Variants in CYP2J2 observed in about 807,000 individuals in gnomAD.
CYP2J2 encodes the protein cytochrome P450 family 2 subfamily J member 2.
CYP2J2 carries 41 observed loss-of-function variants against 48.8 expected under a neutral mutation model. The ratio of observed to expected loss-of-function variants is 0.84; its 90% confidence interval spans 0.66 to 1.09. The LOEUF is 1.09. CYP2J2 is among the 50% of genes least tolerant of loss of function. The pLI, the probability that CYP2J2 is intolerant of heterozygous loss-of-function variation, is 0.00. For missense variants in CYP2J2, 644 were observed against 617.3 expected, an observed-to-expected ratio of 1.04 and a Z score of -0.46; for synonymous variants, 221 against 227.1, an observed-to-expected ratio of 0.97 and a Z score of 0.24.
upstream of CYP2J2, among the ~76,000 whole-genome samples, chr1:59,930,291 G>A (rs1455867638): frequency 6.6e-6 from 1 of 152,008 alleles, no homozygotes; most frequent in Non-Finnish European, 1.5e-5. Context: ...TGGATCATAT[G>A]GTAGTTCTAT....
Position 59,904,992 on chromosome 1 carries a change from TC to T in CYP2J2, c.1069del (p.Glu357SerfsTer22). 1 of 1,613,990 alleles carries T rather than the reference TC, an allele frequency of 6.2e-7. No homozygotes were observed. The highest frequency in any genetic ancestry group is 2.2e-5 in the East Asian group (1 of 44,872). ...QGQQPSTAAR[E>X]SMPYTNAVIH... ...GACAGCATTGGTGTAGGGCATGGACTCCCGGGCGGCTGTGCTCGGCTGCTGC... is the reference window on the plus strand; with the variant it reads ...GACAGCATTGGTGTAGGGCATGGACTCCGGGCGGCTGTGCTCGGCTGCTGC... On this transcript the variant is annotated frameshift_variant, in exon 7 of 9. Transcript: ENST00000371204. LOFTEE classifies it high-confidence loss of function.
In CYP2J2 at chr1:59,910,067, T is replaced by C. The variant is rs1279809520; in HGVS notation, c.685-107A>G. On this transcript the variant is annotated intron_variant, in intron 4 of 8. Transcript: ENST00000371204. ...TTCCGTCTCTTTTATTTGCTCACAC[T>C]TAAACCTTGGTTATCCTTGACCCCT... is the stretch of plus-strand genomic sequence containing the variant. 5.7e-6 allele frequency: 5 copies of C among 870,534 alleles called. No homozygotes were observed. The East Asian group carries it at 1.4e-4, about 25-fold the overall frequency. The allele number at this position is 870,534 out of a possible 1,614,324, so 53.9% of individuals were successfully genotyped here. A position where few individuals can be genotyped will look rare whatever the true frequency, so the allele number is the denominator to read the frequency against.
rs1644245068 is a variant in CYP2J2 at position 59,893,769 on chromosome 1, G to T, written c.1391C>A (p.Ser464Tyr). 6.2e-7 allele frequency: 1 copy of T among 1,613,406 alleles called. No individual in the cohort carries two copies. Among genetic ancestry groups the T allele is most frequent in the Admixed American group, 1.7e-5 (1 of 59,914 alleles). Residue 464 changes from serine to tyrosine, a missense_variant, in exon 9 of 9, where the codon TCC (serine) becomes TAC (tyrosine). Physicochemically the swap from Ser to Tyr is moderately radical, Grantham distance 144. Transcript: ENST00000371204. ...ARTELFIFFT[S>Y]LMQKFTFRPP... is the part of the protein sequence containing the mutation. ...CCTGAAGGTAAATTTTTGCATAAGG[G>T]AAGTGAAGAAAATAAACAGCTCAGT...
At chr1:59,903,383 A>T (rs756177970) in intron 7 of CYP2J2, among the ~76,000 whole-genome samples, 57 of 152,338 alleles carry the variant, frequency 3.7e-4, no homozygotes, top group South Asian at 1.7e-3. Context: ...AGATCCTAAG[A>T]GTGGCGAATG....
At position 59,905,205 on chromosome 1, in the gene CYP2J2, C is replaced by T. The variant is rs1644355375; in HGVS notation, c.1004-147G>A. The T allele has an allele frequency of 1.7e-5, 13 of 786,344 alleles. No individual in the cohort carries two copies. In the South Asian group the frequency reaches 2.5e-4, roughly 15 times the overall value. 48.7% of individuals were successfully genotyped at this position (786,344 alleles called of 1,614,324 possible). ...AAATGGTTCTTAACCTTTTGAAAGG[C>T]TTATTCAGAAAACTACCACCTCTGT... On this transcript the variant is annotated intron_variant, in intron 6 of 8. Coordinates refer to ENST00000371204, the MANE Select transcript of CYP2J2 (RefSeq NM_000775.4).
chr1:59,952,671 T>C, the CYP2J2 span, among the ~76,000 whole-genome samples: 2 of 152,180 alleles, frequency 1.3e-5, no homozygotes, highest in Non-Finnish European at 2.9e-5. Context: ...GCTGGCACAG[T>C]ATATCAGAAA....
the CYP2J2 span, among the ~76,000 whole-genome samples, chr1:59,931,909 C>T: frequency 2.6e-5 from 4 of 152,152 alleles, no homozygotes; most frequent in South Asian, 6.2e-4. Context: ...TTAAAAATTT[C>T]TATTAGTGAT....
the CYP2J2 span, among the ~76,000 whole-genome samples, chr1:59,932,129 C>A: frequency 1.3e-5 from 2 of 151,954 alleles, no homozygotes; most frequent in Non-Finnish European, 2.9e-5. Context: ...TAACTGTAAG[C>A]AAATTTAACC....
At chr1:59,927,062 C>G (rs1232418804), upstream of CYP2J2, among the ~76,000 whole-genome samples, 1 of 152,240 alleles carries the variant, frequency 6.6e-6, no homozygotes, top group Admixed American at 6.5e-5. Context: ...GCGATAACAA[C>G]AGCAGTACCT....
intron 1 of CYP2J2, among the ~76,000 whole-genome samples, chr1:59,922,792 C>A (rs1644529524): frequency 6.6e-6 from 1 of 152,140 alleles, no homozygotes; most frequent in South Asian, 2.1e-4. Context: ...AAGGAAAACC[C>A]AACAGGACAG....
the CYP2J2 span, among the ~76,000 whole-genome samples, chr1:59,945,426 CTA>C: frequency 1.4e-4 from 22 of 151,850 alleles, no homozygotes; most frequent in South Asian, 4.0e-3. Flanking sequence ...ATCTATCTAT[CTA>C]TCTATCTATC....
chr1:59,944,088 C>G, the CYP2J2 span, among the ~76,000 whole-genome samples: 3 of 149,562 alleles, frequency 2.0e-5, no homozygotes, highest in Non-Finnish European at 3.0e-5. Context: ...AATAAAATAT[C>G]TTAGCCGTTT....
Position 59,915,980 on chromosome 1 carries a change from G to A in CYP2J2, c.331C>T (p.Arg111Cys), listed in dbSNP as rs545035265. The A allele has an allele frequency of 5.2e-5, 84 of 1,613,906 alleles. No homozygotes were observed. The highest frequency in any genetic ancestry group is 2.1e-4 in the South Asian group (19 of 91,062). ...LIHMDQNFGN[R>C]PVTPMREHIF... ...TGTTCTCGCATAGGGGTCACGGGGC[G>A]GTTCCCAAAGTTTTGGTCCATGTGG... Residue 111 changes from arginine to cysteine, a missense_variant, in exon 2 of 9, where the codon CGC (arginine) becomes TGC (cysteine). Arg to Cys is a radical substitution (Grantham distance 180, BLOSUM62 -3). Coordinates refer to ENST00000371204, the MANE Select transcript of CYP2J2 (RefSeq NM_000775.4).
chr1:59,955,167 AAAT>A, the CYP2J2 span, among the ~76,000 whole-genome samples: 7 of 149,360 alleles, frequency 4.7e-5, 1 homozygote, highest in African/African-American at 1.7e-4. Flanking sequence ...ATAAATAAAT[AAAT>A]AATTAAAAAA....
chr1:59,961,134 T>C, the CYP2J2 span, among the ~76,000 whole-genome samples: 6 of 152,138 alleles, frequency 3.9e-5, no homozygotes, highest in African/African-American at 7.2e-5. Flanking sequence ...TAAAACATGA[T>C]AAATTGGGCT....
the CYP2J2 span, among the ~76,000 whole-genome samples, chr1:59,968,865 G>A: frequency 6.6e-6 from 1 of 152,312 alleles, no homozygotes; most frequent in East Asian, 1.9e-4. Flanking sequence ...GGACCCTCGC[G>A]GTGAGTGTTA....
chr1:59,950,500 C>T, the CYP2J2 span, among the ~76,000 whole-genome samples: 1 of 152,184 alleles, frequency 6.6e-6, no homozygotes, highest in Non-Finnish European at 1.5e-5. Context: ...GTTCTTTACA[C>T]CTGGAATACT....
At chr1:59,959,629 T>C in the CYP2J2 span, among the ~76,000 whole-genome samples, 1 of 151,966 alleles carries the variant, frequency 6.6e-6, no homozygotes, top group South Asian at 2.1e-4. Flanking sequence ...GTGATATATA[T>C]GTGTGTGATA....
the CYP2J2 span, among the ~76,000 whole-genome samples, chr1:59,958,232 T>G: frequency 6.6e-6 from 1 of 152,322 alleles, no homozygotes; most frequent in Admixed American, 6.5e-5. Flanking sequence ...TATCCAGACC[T>G]GTATCCCTAT....
Sources: allele counts gnomAD v4.1 joint callset (sites outside exome capture counted in the v4.1 genomes callset), GRCh38; gene constraint gnomAD v4.1.1; transcripts MANE v1.5; gene names NCBI Gene and HGNC (gene_info 2026-07-23, HGNC 2026-07-21).